The following HOOK3 variants were observed in gnomAD, a reference collection of about 807,000 sequenced individuals.
The protein encoded by HOOK3 is protein Hook homolog 3.
Under a neutral mutation model 116.3 loss-of-function variants are expected in HOOK3, and 24 were observed. The ratio of observed to expected loss-of-function variants is 0.21; its 90% CI spans 0.15 to 0.29. The LOEUF (loss-of-function observed/expected upper bound fraction) is 0.29, where lower values mean the gene tolerates loss of function less well. Ranked by LOEUF, HOOK3 falls within the 10% of genes least tolerant of loss-of-function variation. The probability of loss-of-function intolerance (pLI) is 1.00; values close to 1 mark genes in which losing one functional copy is unlikely to be tolerated. For missense variants in HOOK3, 632 were observed against 830.2 expected (o/e 0.76, Z 2.93); for synonymous variants, 275 against 283.0 (o/e 0.97, Z 0.28).
rs968768223 is a variant in HOOK3, at chr8:43,023,989, C to T, written c.*5491C>T. 2 of 201,318 alleles carry T rather than the reference C, an allele frequency of 9.9e-6. No individual in the cohort carries two copies. The highest frequency in any genetic ancestry group is 2.0e-5 in the Non-Finnish European group (2 of 97,752). The allele number at this position is 201,318 out of a possible 1,614,324, so 12.5% of individuals were successfully genotyped here. ...AACTCTGCATTTAGTCTCCTATTAT[C>T]TAGATCTCTGAGTCCAGGATAACTC... On this transcript the variant is annotated 3_prime_UTR_variant, in exon 22 of 22. Coordinates refer to ENST00000307602, the MANE Select transcript of HOOK3 (RefSeq NM_032410.4).
At chr8:42,915,439 A>ATTATTATTT (rs1807512314) in intron 2 of HOOK3, among the ~76,000 whole-genome samples, 1 of 151,944 alleles carries the variant, frequency 6.6e-6, no homozygotes, top group African/African-American at 2.4e-5. Flanking sequence ...TATTATTATT[A>ATTATTATTT]TTATTTTTAA....
At chr8:42,897,762 C>T (rs1178987393) in intron 1 of HOOK3, among the ~76,000 whole-genome samples, 1 of 152,254 alleles carries the variant, frequency 6.6e-6, no homozygotes, top group African/African-American at 2.4e-5. Context: ...GGGACAGAGT[C>T]GTGGGATTCT....
intron 5 of HOOK3, 59 bp downstream of exon 5, chr8:42,943,504 T>A: frequency 8.8e-7 from 1 of 1,130,270 alleles, no homozygotes; most frequent in Non-Finnish European, 1.2e-6. Context: ...AGTGTATATT[T>A]TATATTTTAT....
At chr8:42,929,844 T>C (rs969295356) in intron 3 of HOOK3, among the ~76,000 whole-genome samples, 2 of 152,184 alleles carry the variant, frequency 1.3e-5, no homozygotes, top group Non-Finnish European at 2.9e-5. Context: ...TTAATCTTAT[T>C]GTTAAGTCTC....
At chr8:42,969,158 A>G (rs1808683858) in intron 11 of HOOK3, among the ~76,000 whole-genome samples, 1 of 152,190 alleles carries the variant, frequency 6.6e-6, no homozygotes, top group South Asian at 2.1e-4. Flanking sequence ...ATAGTATTGT[A>G]CAGGTCCTCT....
At chr8:42,949,966 T>G (rs1174509169) in intron 5 of HOOK3, among the ~76,000 whole-genome samples, 1 of 151,856 alleles carries the variant, frequency 6.6e-6, no homozygotes, top group Admixed American at 6.6e-5. Flanking sequence ...CACGTTGATG[T>G]CACATAAAAA....
At chr8:42,967,738 A>G (rs1434544128) in intron 10 of HOOK3, among the ~76,000 whole-genome samples, 1 of 151,848 alleles carries the variant, frequency 6.6e-6, no homozygotes, top group African/African-American at 2.4e-5. Flanking sequence ...GATAATTGCC[A>G]AATTATTCGG....
At chr8:42,986,908 G>A in intron 15 of HOOK3, 113 bp downstream of exon 15, 2 of 1,148,000 alleles carry the variant, frequency 1.7e-6, no homozygotes, top group East Asian at 5.0e-5. Context: ...TGTAATCCCA[G>A]CACTTTGGGA....
chr8:42,903,942 T>C (rs924822706), intron 1 of HOOK3, among the ~76,000 whole-genome samples: 4 of 151,522 alleles, frequency 2.6e-5, no homozygotes, highest in African/African-American at 9.7e-5. Flanking sequence ...GGCGACAGAG[T>C]GAGACTCCGT....
chr8:42,952,818 A>G (rs976507900), intron 6 of HOOK3, among the ~76,000 whole-genome samples: 1 of 152,182 alleles, frequency 6.6e-6, no homozygotes, highest in Admixed American at 6.5e-5. Context: ...TAAAATACCA[A>G]AACTACAGTT....
chr8:42,992,399 CAAA>C (rs36048747), intron 15 of HOOK3, among the ~76,000 whole-genome samples: 1 of 38,932 alleles, frequency 2.6e-5, no homozygotes, highest in Non-Finnish European at 4.9e-5. Context: ...GACTCTGTCT[CAAA>C]AAAAAAAAAA....
At position 42,903,338 on chromosome 8, in the gene HOOK3, C is replaced by CTTTTT. The variant is rs1164136399; in HGVS notation, c.58-2815_58-2811dup. Among the ~76,000 whole-genome samples the CTTTTT allele has an allele frequency of 5.4e-4, 47 of 87,606 alleles. 1 individual carries two copies. Among genetic ancestry groups the CTTTTT allele is most frequent in the South Asian group, 1.2e-3 (3 of 2,514 alleles). The allele number at this position is 87,606 out of a possible 152,430, so 57.5% of individuals were successfully genotyped here. A position where few individuals can be genotyped will look rare whatever the true frequency, so the allele number is the denominator to read the frequency against. ...TACTGACTGTACTGTTAATAGTTGT[C>CTTTTT]TTTTTTTTTTTTTTTTTTTTTTTTG... On this transcript the variant is annotated intron_variant, in intron 1 of 21. Coordinates refer to ENST00000307602, the MANE Select transcript of HOOK3 (RefSeq NM_032410.4).
Position 43,021,330 on chromosome 8 carries a change from G to C in HOOK3, c.*2832G>C, listed in dbSNP as rs1809825017. 1 of 186,682 alleles carries C rather than the reference G, an allele frequency of 5.4e-6. No homozygotes were observed. Among genetic ancestry groups the C allele is most frequent in the African/African-American group, 2.3e-5 (1 of 42,602 alleles). 11.6% of individuals were successfully genotyped at this position (186,682 alleles called of 1,614,324 possible). ...GACTTTTTTTTCCCCCCGAGACGGAGCCTCGTTCCGTCACCCAGGCTGTAG... is the reference window on the plus strand; with the variant it reads ...GACTTTTTTTTCCCCCCGAGACGGACCCTCGTTCCGTCACCCAGGCTGTAG... On this transcript the variant is annotated 3_prime_UTR_variant, in exon 22 of 22. Coordinates refer to ENST00000307602, the MANE Select transcript of HOOK3 (RefSeq NM_032410.4).
In HOOK3 at chr8:42,939,807, G is replaced by A. The variant is rs575606546; in HGVS notation, c.268-3506G>A. Among the ~76,000 whole-genome samples, 24 of 150,986 alleles carry A rather than the reference G, an allele frequency of 1.6e-4. No homozygotes were observed. The South Asian group carries it at 4.4e-3, about 28-fold the overall frequency. On this transcript the variant is annotated intron_variant, in intron 4 of 21. Transcript: ENST00000307602. ...CAGAGGGTCTCCTCACTTCTCAGAC[G>A]GGGCGGCCGGGCAGAGACGCTCCTC...
intron 18 of HOOK3, 51 bp downstream of exon 18, chr8:43,007,980 C>A: frequency 1.2e-6 from 1 of 835,448 alleles, no homozygotes; most frequent in Non-Finnish European, 1.9e-6. Context: ...TGTATACTGC[C>A]ATAGTGATAG....
intron 15 of HOOK3, among the ~76,000 whole-genome samples, chr8:42,989,677 G>A (rs1273205795): frequency 1.3e-5 from 2 of 151,874 alleles, no homozygotes; most frequent in Non-Finnish European, 2.9e-5. Flanking sequence ...ACTTTGTTGC[G>A]CTAGGAAATA....
chr8:43,009,300 G>T (rs767172343), intron 18 of HOOK3, among the ~76,000 whole-genome samples: 4 of 151,904 alleles, frequency 2.6e-5, no homozygotes, highest in Non-Finnish European at 5.9e-5. Context: ...CAGCTACTCG[G>T]GAGGCTGAGG....
At chr8:42,929,444 TA>T (rs1384698658) in intron 3 of HOOK3, among the ~76,000 whole-genome samples, 4 of 152,160 alleles carry the variant, frequency 2.6e-5, no homozygotes, top group African/African-American at 9.7e-5. Context: ...GCTAGATCAA[TA>T]AAATAATCAA....
intron 2 of HOOK3, among the ~76,000 whole-genome samples, chr8:42,912,839 TG>T (rs1807458345): frequency 6.6e-6 from 1 of 152,250 alleles, no homozygotes; most frequent in African/African-American, 2.4e-5. Flanking sequence ...ATGCGTTTTA[TG>T]TATCTACCAT....
Sources: allele counts gnomAD v4.1 joint callset (sites outside exome capture counted in the v4.1 genomes callset), GRCh38; gene constraint gnomAD v4.1.1; transcripts MANE v1.5; gene names NCBI Gene and HGNC (gene_info 2026-07-23, HGNC 2026-07-21).